Variants in ACAP2 observed in about 807,000 individuals in gnomAD.
The protein encoded by ACAP2 is ArfGAP with coiled-coil, ankyrin repeat and PH domains 2.
A neutral mutation model predicts 115.8 loss-of-function variants in ACAP2; 39 were observed. The observed-to-expected ratio is 0.34, with a 90% confidence interval of 0.26 to 0.44. The LOEUF (loss-of-function observed/expected upper bound fraction) is 0.44. Among genes scored for constraint, ACAP2 ranks in the 20% least tolerant of loss-of-function variants. ACAP2 has a pLI of 1.00. For synonymous variants in ACAP2, 289 were observed against 315.8 expected (o/e 0.92, Z 0.90); for missense variants, 662 against 927.6 (o/e 0.71, Z 3.72).
At position 195,294,708 on chromosome 3, in the gene ACAP2, T is replaced by G. The variant is rs754383431; in HGVS notation, c.1765+11A>C. ...CAAAACCAATTAACATTGAGTTTCATCAGAACTCACCAGGCTCATATAAAC... is the reference window on the plus strand; with the variant it reads ...CAAAACCAATTAACATTGAGTTTCAGCAGAACTCACCAGGCTCATATAAAC... On this transcript the variant is annotated intron_variant, in intron 18 of 22. Coordinates refer to ENST00000326793, the MANE Select transcript of ACAP2 (RefSeq NM_012287.6). 6 of 1,529,604 alleles carry G rather than the reference T, an allele frequency of 3.9e-6. No homozygotes were observed. The East Asian group carries it at 9.2e-5, about 23-fold the overall frequency. The allele number at this position is 1,529,604 out of a possible 1,614,324, so 94.8% of individuals were successfully genotyped here.
chr3:195,388,861 T>C (rs6809102), intron 2 of ACAP2, among the ~76,000 whole-genome samples: 3,533 of 151,704 alleles, frequency 0.023, 135 homozygotes, highest in African/African-American at 0.08. Context: ...GTCTCTACTA[T>C]AAATACGAAA....
rs918264999 is a variant in ACAP2 at position 195,386,610 on chromosome 3, G to A, written c.112-4588C>T. ...TGAACAATGAGAAAACATGGACACA[G>A]GGAGGGGAACATTACACAGCGGAGC... is the stretch of plus-strand genomic sequence containing the variant. On this transcript the variant is annotated intron_variant, in intron 2 of 22. Coordinates refer to ENST00000326793, the MANE Select transcript of ACAP2 (RefSeq NM_012287.6). Among the ~76,000 whole-genome samples the A allele has an allele frequency of 2.6e-5, 4 of 152,192 alleles. No individual in the cohort carries two copies. The East Asian group carries it at 7.7e-4, about 29-fold the overall frequency.
At chr3:195,380,851 T>TAC (rs1733895519) in intron 4 of ACAP2, among the ~76,000 whole-genome samples, 158 bp downstream of exon 4, 1 of 152,014 alleles carries the variant, frequency 6.6e-6, no homozygotes, top group Non-Finnish European at 1.5e-5. Flanking sequence ...CACACACAAA[T>TAC]ACACACACAG....
At position 195,326,939 on chromosome 3, in the gene ACAP2, A is replaced by G; in HGVS notation, c.690T>C (p.Asp230=). Residue 230 remains aspartate, a synonymous_variant, in exon 9 of 23, where the codon GAT becomes GAC. Coordinates refer to ENST00000326793, the MANE Select transcript of ACAP2 (RefSeq NM_012287.6). ...CCATTTCTCTTTTCTCCTTTGCTGC[A>G]TCCACAACCAGTCGATCCAACTGTA... The part of the protein sequence containing the change: ...LGAQLDRLVV[D]AAKEKREMEQ... 1 of 1,613,994 alleles carries G rather than the reference A, an allele frequency of 6.2e-7. No homozygotes were observed. Among genetic ancestry groups the G allele is most frequent in the Non-Finnish European group, 8.5e-7 (1 of 1,179,958 alleles).
chr3:195,412,823 TA>T (rs1292869288), intron 1 of ACAP2: 1 of 437,346 alleles, frequency 2.3e-6, no homozygotes. Flanking sequence ...TGTTTCCTCA[TA>T]AAAAATTCCT....
intron 10 of ACAP2, among the ~76,000 whole-genome samples, chr3:195,315,107 T>C (rs1197874503): frequency 6.6e-6 from 1 of 152,202 alleles, no homozygotes; most frequent in Non-Finnish European, 1.5e-5. Flanking sequence ...CCTCAATCTC[T>C]TGGTCTCAAG....
rs1262658583 is a variant in ACAP2, at chr3:195,277,989, G to A, written c.*1339C>T. 2 of 151,642 alleles carry A rather than the reference G, an allele frequency of 1.3e-5. No individual in the cohort carries two copies. Among genetic ancestry groups the A allele is most frequent in the African/African-American group, 4.8e-5 (2 of 41,254 alleles). The allele number at this position is 151,642 out of a possible 1,614,324, so 9.4% of individuals were successfully genotyped here. On this transcript the variant is annotated 3_prime_UTR_variant, in exon 23 of 23. Transcript: ENST00000326793. The stretch of plus-strand genomic sequence containing the variant: ...CCAGCTACTCGGGAGGCTGAGGCAG[G>A]AGAATTGCTTGAACCCAAGAGGAGG...
rs149496367 is a variant in ACAP2 at position 195,435,354 on chromosome 3, T to C, written c.53+7441A>G. On this transcript the variant is annotated intron_variant, in intron 1 of 22. Coordinates refer to ENST00000326793, the MANE Select transcript of ACAP2 (RefSeq NM_012287.6). Reference sequence around the variant, plus strand: ...CATGCCCAGCTAATTTTTGTATTTTTAGTAGAGACGGGGTTTCACCATGTT... The same window carrying C: ...CATGCCCAGCTAATTTTTGTATTTTCAGTAGAGACGGGGTTTCACCATGTT... 2.6e-3 allele frequency among the ~76,000 whole-genome samples: 402 copies of C among 152,152 alleles called. 1 individual carries two copies. The highest frequency in any genetic ancestry group is 5.8e-3 in the Admixed American group (88 of 15,266).
chr3:195,291,577 CA>C lies in ACAP2; in HGVS notation c.2063+128del, dbSNP rs1234006733. On this transcript the variant is annotated intron_variant, in intron 20 of 22. Coordinates refer to ENST00000326793, the MANE Select transcript of ACAP2 (RefSeq NM_012287.6). ...TTTTAACTTTCAAATTCCATCGTGACAAAATAAGTCATGGAACACATCTCTT... is the reference window on the plus strand; with the variant it reads ...TTTTAACTTTCAAATTCCATCGTGACAAATAAGTCATGGAACACATCTCTT... The C allele has an allele frequency of 6.7e-6, 4 of 601,092 alleles. No homozygotes were observed. In the African/African-American group the frequency reaches 7.7e-5, roughly 12 times the overall value. 37.2% of individuals were successfully genotyped at this position (601,092 alleles called of 1,614,324 possible).
intron 4 of ACAP2, among the ~76,000 whole-genome samples, chr3:195,355,162 T>C (rs2108680417): frequency 6.6e-6 from 1 of 152,308 alleles, no homozygotes; most frequent in South Asian, 2.1e-4. Context: ...ATGTAGGCTA[T>C]ATACTTTTAA....
chr3:195,402,001 T>A (rs1712346167), intron 1 of ACAP2, among the ~76,000 whole-genome samples: 1 of 152,130 alleles, frequency 6.6e-6, no homozygotes, highest in African/African-American at 2.4e-5. Context: ...TGAAGCACCT[T>A]CTACTCCTCA....
intron 1 of ACAP2, among the ~76,000 whole-genome samples, chr3:195,395,579 G>A (rs915370994): frequency 2.0e-5 from 3 of 152,210 alleles, no homozygotes; most frequent in African/African-American, 4.8e-5. Flanking sequence ...TTTTACGGAA[G>A]CAGAGACAAG....
At chr3:195,416,119 G>T (rs1713702644) in intron 1 of ACAP2, among the ~76,000 whole-genome samples, 1 of 152,164 alleles carries the variant, frequency 6.6e-6, no homozygotes, top group Non-Finnish European at 1.5e-5. Flanking sequence ...AGGCCGAGGT[G>T]GGAGGATCAT....
intron 4 of ACAP2, among the ~76,000 whole-genome samples, chr3:195,348,420 T>C (rs1161147706): frequency 6.6e-6 from 1 of 152,096 alleles, no homozygotes; most frequent in East Asian, 1.9e-4. Flanking sequence ...CTACCAAACA[T>C]TGAAAGGTAG....
chr3:195,432,971 A>G (rs1055913969), intron 1 of ACAP2, among the ~76,000 whole-genome samples: 1 of 152,070 alleles, frequency 6.6e-6, no homozygotes, highest in Non-Finnish European at 1.5e-5. Flanking sequence ...TTGTACATTG[A>G]TCTTATAGAC....
At chr3:195,377,163 G>GTTTTTTTTTTTTTTTTT (rs1412992193) in intron 4 of ACAP2, among the ~76,000 whole-genome samples, 1 of 37,310 alleles carries the variant, frequency 2.7e-5, no homozygotes, top group Non-Finnish European at 4.5e-5. Context: ...TTTTTTTTTG[G>GTTTTTTTTTTTTTTTTT]AAACAAGGTC....
chr3:195,335,374 G>A (rs936818750), intron 7 of ACAP2, among the ~76,000 whole-genome samples: 5 of 152,204 alleles, frequency 3.3e-5, no homozygotes, highest in Admixed American at 1.3e-4. Flanking sequence ...ATATAACTTT[G>A]CAGTGTATTA....
intron 14 of ACAP2, 44 bp from the exon 15 acceptor site, chr3:195,301,688 T>A (rs748732418): frequency 6.4e-7 from 1 of 1,554,056 alleles, no homozygotes; most frequent in South Asian, 1.2e-5. Context: ...AGTCTCTGTT[T>A]GCGTATTTGC....
Position 195,356,096 on chromosome 3 carries a change from AG to A in ACAP2, c.286-10780del, listed in dbSNP as rs112462392. 1.8e-3 allele frequency: 843 copies of A among 456,614 alleles called. 8 individuals are homozygous for A. Among genetic ancestry groups the A allele is most frequent in the African/African-American group, 0.015 (766 of 50,198 alleles). The allele number at this position is 456,614 out of a possible 1,614,324, so 28.3% of individuals were successfully genotyped here. A position where few individuals can be genotyped will look rare whatever the true frequency, so the allele number is the denominator to read the frequency against. Reference sequence around the variant, plus strand: ...CATATTGCTGAAAGAGGCAGTGAAGAGGATAGAAAAGACAGTCTTGAATTGC... The same window carrying A: ...CATATTGCTGAAAGAGGCAGTGAAGAGATAGAAAAGACAGTCTTGAATTGC... On this transcript the variant is annotated intron_variant, in intron 4 of 22. Transcript: ENST00000326793.
Sources: gnomAD v4.1 joint callset for allele counts (sites outside exome capture counted in the v4.1 genomes callset) on GRCh38, gnomAD v4.1.1 for gene constraint, MANE v1.5 for transcripts, NCBI Gene and HGNC (gene_info 2026-07-23, HGNC 2026-07-21) for gene names.